RABGAP1L: variants seen among roughly 807,000 people sequenced by gnomAD.
RABGAP1L encodes the protein RAB GTPase activating protein 1 like.
Under a neutral mutation model 137.7 loss-of-function variants are expected in RABGAP1L, and 63 were observed. The ratio of observed to expected loss-of-function variants is 0.46; its 90% CI spans 0.37 to 0.56. The LOEUF is 0.56. Among genes scored for constraint, RABGAP1L ranks in the 20% least tolerant of loss-of-function variants. The pLI is 0.00. For synonymous variants in RABGAP1L, 431 were observed against 433.7 expected (o/e 0.99, Z 0.08); for missense variants, 1,095 against 1,244.0 (o/e 0.88, Z 1.80).
intron 19 of RABGAP1L, among the ~76,000 whole-genome samples, chr1:174,819,187 TAAAAAAAAA>T (rs71299431): frequency 8.9e-5 from 4 of 44,840 alleles, no homozygotes; most frequent in Non-Finnish European, 1.6e-4. Context: ...TGCCTGTCTC[TAAAAAAAAA>T]AAAAAAAAAA....
chr1:174,735,211 A>G (rs1220206960), intron 17 of RABGAP1L, among the ~76,000 whole-genome samples: 1 of 151,798 alleles, frequency 6.6e-6, no homozygotes, highest in African/African-American at 2.4e-5. Context: ...TCTGAGTTCA[A>G]TCAGTCCTTC....
chr1:174,500,915 T>C (rs186380360), intron 13 of RABGAP1L, among the ~76,000 whole-genome samples: 140 of 152,310 alleles, frequency 9.2e-4, no homozygotes, highest in African/African-American at 3.2e-3. Flanking sequence ...GACTGTCTTT[T>C]TACCTGCCGC....
Position 174,322,276 on chromosome 1 carries a change from G to GT in RABGAP1L, c.1465+17155dup, listed in dbSNP as rs200038726. Among the ~76,000 whole-genome samples, 133 of 150,904 alleles carry GT rather than the reference G, an allele frequency of 8.8e-4. 2 individuals carry two copies. The East Asian group carries it at 0.027, about 31-fold the overall frequency. The stretch of plus-strand genomic sequence containing the variant: ...ATTGCAGGTAGAGGTTAAAGTTCCT[G>GT]TTTTTTGGCTTAAAAAACAGAAAAC... On this transcript the variant is annotated intron_variant, in intron 11 of 25. Transcript: ENST00000681986.
At chr1:174,258,717 A>T (rs994790861) in intron 7 of RABGAP1L, among the ~76,000 whole-genome samples, 1 of 152,218 alleles carries the variant, frequency 6.6e-6, no homozygotes, top group Non-Finnish European at 1.5e-5. Flanking sequence ...AATAAAATTT[A>T]TCATTAAAAA....
At chr1:174,475,014 A>G (rs1242186921) in intron 13 of RABGAP1L, among the ~76,000 whole-genome samples, 1 of 152,134 alleles carries the variant, frequency 6.6e-6, no homozygotes, top group Non-Finnish European at 1.5e-5. Context: ...AATGTAATGT[A>G]TGTTACAATA....
At chr1:174,172,999 G>A (rs10912737) in intron 1 of RABGAP1L, among the ~76,000 whole-genome samples, 44,800 of 151,996 alleles carry the variant, frequency 0.29, 7,027 homozygotes, top group African/African-American at 0.37. Flanking sequence ...ATAGATATTA[G>A]TGTTTACTTC....
intron 13 of RABGAP1L, among the ~76,000 whole-genome samples, chr1:174,611,022 G>C (rs1013829050): frequency 1.3e-5 from 2 of 149,726 alleles, no homozygotes; most frequent in African/African-American, 5.0e-5. Context: ...TCACTCTGAT[G>C]GTAGTTTCTT....
At chr1:174,688,863 G>T (rs1447400746) in intron 15 of RABGAP1L, among the ~76,000 whole-genome samples, 1 of 151,950 alleles carries the variant, frequency 6.6e-6, no homozygotes, top group African/African-American at 2.4e-5. Flanking sequence ...ATTCCATTCT[G>T]CATAAAGTTC....
intron 18 of RABGAP1L, among the ~76,000 whole-genome samples, chr1:174,770,677 T>G (rs941733561): frequency 2.6e-5 from 4 of 152,226 alleles, no homozygotes; most frequent in Non-Finnish European, 4.4e-5. Context: ...CTTCCATCCC[T>G]TTTACTTAAA....
chr1:174,987,121 C>T (rs554665420), intron 24 of RABGAP1L, among the ~76,000 whole-genome samples: 4 of 152,114 alleles, frequency 2.6e-5, no homozygotes, highest in African/African-American at 9.6e-5. Flanking sequence ...GAAGGTGACC[C>T]CTAGGGATTT....
intron 1 of RABGAP1L, among the ~76,000 whole-genome samples, chr1:174,195,906 G>C (rs1667652424): frequency 7.0e-6 from 1 of 142,444 alleles, no homozygotes; most frequent in Admixed American, 7.3e-5. Context: ...CGTGATCTCA[G>C]CTCACTGCAA....
Position 174,175,537 on chromosome 1 carries a change from G to C in RABGAP1L, c.-34+15880G>C, listed in dbSNP as rs1026399830. Among the ~76,000 whole-genome samples the C allele has an allele frequency of 5.9e-5, 8 of 135,652 alleles. No individual in the cohort carries two copies. In the South Asian group the frequency reaches 9.2e-4, roughly 16 times the overall value. 89.0% of individuals were successfully genotyped at this position (135,652 alleles called of 152,430 possible). On this transcript the variant is annotated intron_variant, in intron 1 of 25. Coordinates refer to ENST00000681986, the MANE Select transcript of RABGAP1L (RefSeq NM_001366446.1). ...CAGAGTCTTGCTATCTTGGCTCACT[G>C]TAACCTCTGCCTGCTGGGCTCAAGC...
intron 11 of RABGAP1L, among the ~76,000 whole-genome samples, chr1:174,344,398 C>A (rs535677309): frequency 5.8e-4 from 89 of 152,228 alleles, no homozygotes; most frequent in African/African-American, 2.1e-3. Context: ...AGAAGGTCTG[C>A]GGCTACACAA....
At chr1:174,399,089 C>A (rs984928159) in intron 13 of RABGAP1L, among the ~76,000 whole-genome samples, 10 of 152,234 alleles carry the variant, frequency 6.6e-5, no homozygotes, top group African/African-American at 2.4e-4. Flanking sequence ...TGGCTCTAAT[C>A]ATGTGCGTTT....
chr1:174,293,078 G>A (rs1430201522), intron 10 of RABGAP1L, among the ~76,000 whole-genome samples: 2 of 151,490 alleles, frequency 1.3e-5, no homozygotes, highest in Non-Finnish European at 2.9e-5. Flanking sequence ...TATGGAAAGT[G>A]GAAAATTATG....
chr1:174,222,855 G>A (rs1669863667), intron 3 of RABGAP1L, among the ~76,000 whole-genome samples: 1 of 152,118 alleles, frequency 6.6e-6, no homozygotes, highest in Admixed American at 6.5e-5. Context: ...AAGACTTTTT[G>A]CCAGGCATGG....
intron 11 of RABGAP1L, among the ~76,000 whole-genome samples, chr1:174,350,199 C>A (rs1426681522): frequency 1.4e-4 from 18 of 125,830 alleles, no homozygotes; most frequent in African/African-American, 4.9e-4. Flanking sequence ...ACCCCCCCCC[C>A]ACCTCCCTCC....
intron 13 of RABGAP1L, among the ~76,000 whole-genome samples, chr1:174,396,001 A>G (rs1468994514): frequency 2.0e-5 from 3 of 152,206 alleles, no homozygotes; most frequent in Non-Finnish European, 1.5e-5. Context: ...ACCATGAATC[A>G]AAAAACTGAT....
At chr1:174,550,528 C>T (rs1296605646) in intron 13 of RABGAP1L, among the ~76,000 whole-genome samples, 1 of 152,212 alleles carries the variant, frequency 6.6e-6, no homozygotes, top group Non-Finnish European at 1.5e-5. Flanking sequence ...GTTCTGCATA[C>T]TGACTCATTA....
Sources: allele counts gnomAD v4.1 joint callset (sites outside exome capture counted in the v4.1 genomes callset), GRCh38; gene constraint gnomAD v4.1.1; transcripts MANE v1.5; gene names NCBI Gene and HGNC (gene_info 2026-07-23, HGNC 2026-07-21).